Variants in NDUFAF1 observed in about 807,000 individuals in gnomAD.
NDUFAF1 encodes the protein NADH:ubiquinone oxidoreductase complex assembly factor 1, also known as complex I intermediate-associated protein 30, mitochondrial.
A neutral mutation model predicts 28.7 loss-of-function variants in NDUFAF1; 18 were observed. That is an observed-to-expected ratio of 0.63 (90% CI 0.43 to 0.93). The LOEUF (loss-of-function observed/expected upper bound fraction) is 0.93. NDUFAF1 is among the 40% of genes least tolerant of loss of function. The pLI is 0.00. For synonymous variants in NDUFAF1, 113 were observed against 139.7 expected (o/e 0.81, Z 1.35); for missense variants, 404 against 398.3 (o/e 1.01, Z -0.12).
chr15:41,400,788 T>G (rs1289916834), intron 1 of NDUFAF1, among the ~76,000 whole-genome samples: 1 of 150,586 alleles, frequency 6.6e-6, no homozygotes, highest in Non-Finnish European at 1.5e-5. Context: ...CCACCTGCCT[T>G]GTTCTCCCAA....
intron 3 of NDUFAF1, 118 bp from the exon 4 acceptor site, chr15:41,388,640 T>G (rs988103293): frequency 2.8e-6 from 2 of 719,484 alleles, no homozygotes; most frequent in South Asian, 1.6e-5. Context: ...ATATGTATTA[T>G]GACAAATGGC....
chr15:41,392,800 G>A (rs1048836302), intron 3 of NDUFAF1, among the ~76,000 whole-genome samples: 1 of 152,140 alleles, frequency 6.6e-6, no homozygotes, highest in African/African-American at 2.4e-5. Flanking sequence ...ACATGCTTAG[G>A]AGGTACATTT....
chr15:41,388,411 G>GAT, intron 4 of NDUFAF1, 37 bp downstream of exon 4: 1 of 1,470,672 alleles, frequency 6.8e-7, no homozygotes, highest in African/African-American at 1.4e-5. Context: ...CATTAAAAAT[G>GAT]ATACAGTTCT....
chr15:41,387,842 G>A (rs915149725), intron 4 of NDUFAF1, among the ~76,000 whole-genome samples: 2 of 152,110 alleles, frequency 1.3e-5, no homozygotes, highest in Non-Finnish European at 2.9e-5. Context: ...ACGGCCGGGC[G>A]TCGTGGCTCA....
intron 4 of NDUFAF1, 80 bp downstream of exon 4, chr15:41,388,368 T>C (rs1359800856): frequency 8.8e-7 from 1 of 1,137,936 alleles, no homozygotes; most frequent in Non-Finnish European, 1.3e-6. Flanking sequence ...GCCAGCCTTC[T>C]CAAATGAACT....
intron 2 of NDUFAF1, among the ~76,000 whole-genome samples, chr15:41,395,583 G>A (rs2050375232): frequency 6.6e-6 from 1 of 151,362 alleles, no homozygotes; most frequent in East Asian, 2.0e-4. Context: ...TGTTAGCCAG[G>A]ATGGTCTCGA....
chr15:41,389,616 C>CA, intron 3 of NDUFAF1, among the ~76,000 whole-genome samples: 1 of 151,918 alleles, frequency 6.6e-6, no homozygotes, highest in African/African-American at 2.4e-5. Flanking sequence ...AGTAAAAAAA[C>CA]AAAAAACTTA....
chr15:41,397,059 TG>T lies in NDUFAF1; in HGVS notation c.-1del. ...CGCAGCAATTTGTGAACCAAAGCCA[TG>T]GTACAAAAAAATCAAAATGTAAGTT... On this transcript the variant is annotated 5_prime_UTR_variant, in exon 2 of 5. Coordinates refer to ENST00000260361, the MANE Select transcript of NDUFAF1 (RefSeq NM_016013.4). 1 of 1,613,056 alleles carries T rather than the reference TG, an allele frequency of 6.2e-7. No individual in the cohort carries two copies. Among genetic ancestry groups the T allele is most frequent in the Non-Finnish European group, 8.5e-7 (1 of 1,179,786 alleles).
intron 4 of NDUFAF1, 38 bp from the exon 5 acceptor site, chr15:41,387,631 C>G (rs1163655996): frequency 2.0e-6 from 3 of 1,512,956 alleles, no homozygotes; most frequent in South Asian, 2.3e-5. Flanking sequence ...AAATCTCATA[C>G]AGTGACGTAC....
At chr15:41,396,360 G>A (rs896203713) in intron 2 of NDUFAF1, 127 bp downstream of exon 2, 8 of 875,888 alleles carry the variant, frequency 9.1e-6, no homozygotes, top group African/African-American at 5.1e-5. Context: ...CCAGACACAG[G>A]TGAGGTGCCA....
chr15:41,388,277 G>T (rs935318911), intron 4 of NDUFAF1, among the ~76,000 whole-genome samples, 171 bp downstream of exon 4: 1 of 152,172 alleles, frequency 6.6e-6, no homozygotes. Context: ...CCTTCAGGAT[G>T]GGGGTATGGT....
chr15:41,399,354 C>T (rs557636982), intron 1 of NDUFAF1, among the ~76,000 whole-genome samples: 1 of 151,792 alleles, frequency 6.6e-6, no homozygotes, highest in South Asian at 2.1e-4. Flanking sequence ...CGAGATCGTG[C>T]CATTGCACTC....
chr15:41,387,461 G>A lies in NDUFAF1; in HGVS notation c.967C>T (p.Pro323Ser), dbSNP rs1164943845. The A allele has an allele frequency of 1.9e-6, 3 of 1,613,622 alleles. No homozygotes were observed. In the East Asian group the frequency reaches 6.7e-5, roughly 36 times the overall value. The stretch of plus-strand genomic sequence containing the variant: ...TATGATCTTTATTTAAAAAGCCTTG[G>A]GTTAAGCTCTGGAGAATTTTCATAG... Reference protein sequence around the residue: ...FAYENSPELNPRLFK With the variant: ...FAYENSPELNSRLFK Residue 323 changes from proline to serine, a missense_variant, in exon 5 of 5, where the codon CCA becomes TCA. Physicochemically the swap from Pro to Ser is moderately conservative, Grantham distance 74. Transcript: ENST00000260361.
chr15:41,396,102 A>C (rs957584685), intron 2 of NDUFAF1, among the ~76,000 whole-genome samples: 4 of 151,810 alleles, frequency 2.6e-5, no homozygotes, highest in African/African-American at 4.8e-5. Context: ...AAAAAAAAAG[A>C]AAGCCACAGG....
chr15:41,394,327 C>T, intron 3 of NDUFAF1: 1 of 1,287,732 alleles, frequency 7.8e-7, no homozygotes, highest in Non-Finnish European at 1.0e-6. Context: ...AGCCACCACG[C>T]AGGCCTAGGA....
At position 41,396,496 on chromosome 15, in the gene NDUFAF1, C is replaced by T. The variant is rs199943121; in HGVS notation, c.564G>A (p.Arg188=). ...CCTGGGCCTCACCTACCCTTGGAATCCTGGATATCATTGCACAGTACCCAC... is the reference window on the plus strand; with the variant it reads ...CCTGGGCCTCACCTACCCTTGGAATTCTGGATATCATTGCACAGTACCCAC... The part of the protein sequence containing the change: ...TRSGYCAMIS[R]IPRGAFERKM... Residue 188 remains arginine (R), a synonymous_variant, in exon 2 of 5, where the codon AGG becomes AGA. Coordinates refer to ENST00000260361, the MANE Select transcript of NDUFAF1 (RefSeq NM_016013.4). The T allele has an allele frequency of 6.2e-7, 1 of 1,614,138 alleles. No homozygotes were observed. The highest frequency in any genetic ancestry group is 1.3e-5 in the African/African-American group (1 of 75,048).
intron 1 of NDUFAF1, 30 bp downstream of exon 1, chr15:41,402,114 G>A (rs894858140): frequency 9.2e-6 from 4 of 434,532 alleles, no homozygotes; most frequent in Non-Finnish European, 1.9e-5. Context: ...CTAGAAGTGA[G>A]TAGAATTAGT....
intron 1 of NDUFAF1, among the ~76,000 whole-genome samples, chr15:41,400,961 CATT>C (rs1396103451): frequency 1.3e-5 from 2 of 150,956 alleles, no homozygotes; most frequent in African/African-American, 2.4e-5. Context: ...GGTAAAATGA[CATT>C]ATCAATACTT....
intron 3 of NDUFAF1, among the ~76,000 whole-genome samples, chr15:41,391,288 AG>A (rs2050312750): frequency 6.6e-6 from 1 of 152,026 alleles, no homozygotes; most frequent in African/African-American, 2.4e-5. Flanking sequence ...GGAAACTGGT[AG>A]GAACAATATA....
Sources: gnomAD v4.1 joint callset for allele counts (sites outside exome capture counted in the v4.1 genomes callset) on GRCh38, gnomAD v4.1.1 for gene constraint, MANE v1.5 for transcripts, NCBI Gene and HGNC (gene_info 2026-07-23, HGNC 2026-07-21) for gene names.